Variants in DGKG observed in about 807,000 individuals in gnomAD.
The protein encoded by DGKG is diacylglycerol kinase gamma, also known as DAG kinase gamma.
A neutral mutation model predicts 105.3 loss-of-function variants in DGKG; 78 were observed. That is an observed-to-expected ratio of 0.74 (90% CI 0.62 to 0.89). The LOEUF (loss-of-function observed/expected upper bound fraction) is 0.89, where lower values mean the gene tolerates loss of function less well. Ranked by LOEUF, DGKG falls within the 40% of genes least tolerant of loss-of-function variation. The probability of loss-of-function intolerance (pLI) is 0.00; values close to 1 mark genes in which losing one functional copy is unlikely to be tolerated. For synonymous variants in DGKG, 346 were observed against 367.1 expected, an observed-to-expected ratio of 0.94 and a Z score of 0.66; for missense variants, 958 against 1,020.1, an observed-to-expected ratio of 0.94 and a Z score of 0.83.
At chr3:186,329,367 G>A (rs1676132870) in intron 1 of DGKG, among the ~76,000 whole-genome samples, 1 of 152,154 alleles carries the variant, frequency 6.6e-6, no homozygotes, top group African/African-American at 2.4e-5. Flanking sequence ...CTGTACGGAT[G>A]TCAGCATGGA....
chr3:186,157,141 A>T (rs1471286101), intron 24 of DGKG, among the ~76,000 whole-genome samples: 1 of 151,996 alleles, frequency 6.6e-6, no homozygotes, highest in Non-Finnish European at 1.5e-5. Context: ...TTTAACATAT[A>T]TTTAACAAAG....
At chr3:186,343,887 AC>A (rs1726204344) in intron 1 of DGKG, among the ~76,000 whole-genome samples, 1 of 152,120 alleles carries the variant, frequency 6.6e-6, no homozygotes, top group Non-Finnish European at 1.5e-5. Flanking sequence ...GTGTTACTAA[AC>A]ATTCCTCAAT....
chr3:186,292,566 G>A (rs1344125317), intron 5 of DGKG, among the ~76,000 whole-genome samples: 1 of 152,178 alleles, frequency 6.6e-6, no homozygotes, highest in Non-Finnish European at 1.5e-5. Context: ...GGCCGAGGTG[G>A]GTGGATCACC....
intron 19 of DGKG, 100 bp downstream of exon 19, chr3:186,251,659 A>G: frequency 7.1e-7 from 1 of 1,404,150 alleles, no homozygotes. Flanking sequence ...GGGGCAGGTA[A>G]GACAGGTAGA....
chr3:186,229,762 G>T (rs1354591453), intron 20 of DGKG, among the ~76,000 whole-genome samples: 3 of 152,188 alleles, frequency 2.0e-5, no homozygotes, highest in African/African-American at 7.2e-5. Flanking sequence ...ACAAATAGAT[G>T]CTCAACTCAT....
chr3:186,311,418 G>A (rs1724537135), intron 2 of DGKG, among the ~76,000 whole-genome samples: 1 of 152,130 alleles, frequency 6.6e-6, no homozygotes, highest in Non-Finnish European at 1.5e-5. Context: ...AGGTCAACTT[G>A]TTCAGCTGCT....
intron 24 of DGKG, among the ~76,000 whole-genome samples, chr3:186,151,250 G>T (rs1453400077): frequency 6.6e-6 from 1 of 152,244 alleles, no homozygotes; most frequent in African/African-American, 2.4e-5. Flanking sequence ...GTCTTATGGA[G>T]AAAGAGAAGG....
intron 9 of DGKG, among the ~76,000 whole-genome samples, chr3:186,277,556 G>C (rs917481423): frequency 6.6e-6 from 1 of 152,226 alleles, no homozygotes; most frequent in Admixed American, 6.5e-5. Context: ...AGACTTCTTC[G>C]TGGAGCCCAA....
rs570105366 is a variant in DGKG at position 186,176,881 on chromosome 3, C to T, written c.2095+11321G>A. 1.8e-4 allele frequency among the ~76,000 whole-genome samples: 28 copies of T among 152,326 alleles called. No homozygotes were observed. In the South Asian group the frequency reaches 5.8e-3, roughly 32 times the overall value. ...GCAAAGGTCCCTGCTGATGCCTCTGCTCTGCTAACAGAAGCCCCTGGTGAT... is the reference window on the plus strand; with the variant it reads ...GCAAAGGTCCCTGCTGATGCCTCTGTTCTGCTAACAGAAGCCCCTGGTGAT... On this transcript the variant is annotated intron_variant, in intron 22 of 24. Transcript: ENST00000265022.
In DGKG at chr3:186,198,998, A is replaced by G. The variant is rs545742811; in HGVS notation, c.1918-10619T>C. Among the ~76,000 whole-genome samples, 3 of 152,090 alleles carry G rather than the reference A, an allele frequency of 2.0e-5. No homozygotes were observed. In the East Asian group the frequency reaches 5.8e-4, roughly 29 times the overall value. ...GTTTTGCTCTTGTTACCCAGGCTGGAGTGCAATGGTGCGATCTTGGCTCAC... is the reference window on the plus strand; with the variant it reads ...GTTTTGCTCTTGTTACCCAGGCTGGGGTGCAATGGTGCGATCTTGGCTCAC... On this transcript the variant is annotated intron_variant, in intron 21 of 24. Transcript: ENST00000265022.
intron 1 of DGKG, among the ~76,000 whole-genome samples, chr3:186,335,505 G>A (rs1484863086): frequency 6.6e-6 from 1 of 152,074 alleles, no homozygotes; most frequent in Admixed American, 6.5e-5. Flanking sequence ...TTTAGGCTGG[G>A]GAATGCCTTT....
At chr3:186,291,796 G>A (rs529825044) in intron 5 of DGKG, among the ~76,000 whole-genome samples, 28 of 151,990 alleles carry the variant, frequency 1.8e-4, no homozygotes, top group African/African-American at 2.4e-4. Context: ...AGAGATGATG[G>A]GTATGTTCAT....
intron 11 of DGKG, among the ~76,000 whole-genome samples, chr3:186,271,298 G>A (rs147458710): frequency 3.1e-4 from 47 of 152,134 alleles, no homozygotes; most frequent in African/African-American, 9.9e-4. Flanking sequence ...CTCATCCTCC[G>A]CATCCCCATC....
At position 186,229,369 on chromosome 3, in the gene DGKG, T is replaced by A. The variant is rs2108538401; in HGVS notation, c.1826+13135A>T. Reference sequence around the variant, plus strand: ...GATTCGCATGCCTCAGCCTCCCAAGTAGCTGGGATTACAGGTGCCCACCCG... The same window carrying A: ...GATTCGCATGCCTCAGCCTCCCAAGAAGCTGGGATTACAGGTGCCCACCCG... On this transcript the variant is annotated intron_variant, in intron 20 of 24. Coordinates refer to ENST00000265022, the MANE Select transcript of DGKG (RefSeq NM_001346.3). Among the ~76,000 whole-genome samples the A allele has an allele frequency of 1.3e-5, 2 of 152,016 alleles. 1 individual carries two copies. Among genetic ancestry groups the A allele is most frequent in the South Asian group, 4.2e-4 (2 of 4,790 alleles).
rs1366421299 is a variant in DGKG at position 186,298,076 on chromosome 3, C to T, written c.298G>A (p.Ala100Thr). The change falls in exon 4 of 25, where the codon GCC becomes ACC. Residue 100 changes from alanine (A) to threonine (T), a missense_variant. Physicochemically the swap from Ala to Thr is moderately conservative, Grantham distance 58. Transcript: ENST00000265022. Reference protein sequence around the residue: ...HPTEGASNSEANSADTNIQNA... With the variant: ...HPTEGASNSETNSADTNIQNA... Reference sequence around the variant, plus strand: ...AAGCTCTGTGTACCTGCGCTGTTGGCCTCACTGTTGCTGGCTCCCTCCGTC... The same window carrying T: ...AAGCTCTGTGTACCTGCGCTGTTGGTCTCACTGTTGCTGGCTCCCTCCGTC... 2 of 1,610,466 alleles carry T rather than the reference C, an allele frequency of 1.2e-6. No homozygotes were observed. Among genetic ancestry groups the T allele is most frequent in the South Asian group, 1.1e-5 (1 of 90,330 alleles).
intron 10 of DGKG, 39 bp downstream of exon 10, chr3:186,275,508 T>A (rs776042409): frequency 1.3e-6 from 2 of 1,548,166 alleles, no homozygotes; most frequent in Admixed American, 1.7e-5. Context: ...CAGAGCAAGA[T>A]AGTGCCTGGG....
chr3:186,164,223 A>T (rs189226636), intron 23 of DGKG, among the ~76,000 whole-genome samples: 93 of 152,352 alleles, frequency 6.1e-4, no homozygotes, highest in Admixed American at 5.6e-3. Flanking sequence ...AATTCAGTGA[A>T]AAAGGAAAGG....
chr3:186,223,971 C>T (rs953243050), intron 20 of DGKG, among the ~76,000 whole-genome samples: 1 of 152,196 alleles, frequency 6.6e-6, no homozygotes, highest in African/African-American at 2.4e-5. Flanking sequence ...AAACTTGTCC[C>T]AGCTGTAGGT....
rs34226259 is a variant in DGKG, at chr3:186,209,093, C to CTTTTTTTTTTTTTTTTTTT, written c.1917+2683_1917+2701dup. ...TTTTCTCTCCCTTCAGTTTACTCTT[C>CTTTTTTTTTTTTTTTTTTT]TTTTTTTTTTTTTTTTTTTTTTTAA... On this transcript the variant is annotated intron_variant, in intron 21 of 24. Coordinates refer to ENST00000265022, the MANE Select transcript of DGKG (RefSeq NM_001346.3). Among the ~76,000 whole-genome samples the CTTTTTTTTTTTTTTTTTTT allele has an allele frequency of 2.2e-4, 20 of 89,838 alleles. 1 individual carries two copies. The highest frequency in any genetic ancestry group is 8.2e-4 in the African/African-American group (17 of 20,744). The allele number at this position is 89,838 out of a possible 152,430, so 58.9% of individuals were successfully genotyped here. A position where few individuals can be genotyped will look rare whatever the true frequency, so the allele number is the denominator to read the frequency against.
Sources: allele counts gnomAD v4.1 joint callset (sites outside exome capture counted in the v4.1 genomes callset), GRCh38; gene constraint gnomAD v4.1.1; transcripts MANE v1.5; gene names NCBI Gene and HGNC (gene_info 2026-07-23, HGNC 2026-07-21).